Variants in ITGA1 observed in about 807,000 individuals in gnomAD.
ITGA1 encodes the protein integrin subunit alpha 1.
ITGA1 carries 85 observed loss-of-function variants against 145.9 expected under a neutral mutation model. That is an observed-to-expected ratio of 0.58 (90% CI 0.49 to 0.70). ITGA1 has a LOEUF of 0.70. ITGA1 is among the 30% of genes least tolerant of loss of function. The pLI, the probability that ITGA1 is intolerant of heterozygous loss-of-function variation, is 0.00. For synonymous variants in ITGA1, 520 were observed against 495.3 expected (o/e 1.05, Z -0.66); for missense variants, 1,351 against 1,418.7 (o/e 0.95, Z 0.77).
rs1466471723 is a variant in ITGA1 at position 52,927,684 on chromosome 5, T to C, written c.2694+20T>C. The stretch of plus-strand genomic sequence containing the variant: ...GAGATGGTGAGCAGATCATACAAAA[T>C]ACATGTAGAAATTGAATATGAAAAG... On this transcript the variant is annotated intron_variant, in intron 20 of 28. Coordinates refer to ENST00000282588, the MANE Select transcript of ITGA1 (RefSeq NM_181501.2). 3 of 1,469,310 alleles carry C rather than the reference T, an allele frequency of 2.0e-6. No homozygotes were observed. The highest frequency in any genetic ancestry group is 2.8e-6 in the Non-Finnish European group (3 of 1,052,640). The allele number at this position is 1,469,310 out of a possible 1,614,324, so 91.0% of individuals were successfully genotyped here.
intron 1 of ITGA1, among the ~76,000 whole-genome samples, chr5:52,819,735 T>G (rs1748836919): frequency 6.6e-6 from 1 of 152,232 alleles, no homozygotes; most frequent in African/African-American, 2.4e-5. Context: ...GCCTATGTCC[T>G]GAATGGTATT....
At position 52,922,829 on chromosome 5, in the gene ITGA1, C is replaced by A; in HGVS notation, c.2345C>A (p.Thr782Asn). 6.2e-7 allele frequency: 1 copy of A among 1,613,552 alleles called. No individual in the cohort carries two copies. Among genetic ancestry groups the A allele is most frequent in the Non-Finnish European group, 8.5e-7 (1 of 1,179,504 alleles). ...SVRITLDFNL[T>N]DPENGPVLDD... Reference sequence around the variant, plus strand: ...AGAATAACGTTGGACTTTAATCTTACCGATCCAGAAAATGGGCCTGTTCTT... The same window carrying A: ...AGAATAACGTTGGACTTTAATCTTAACGATCCAGAAAATGGGCCTGTTCTT... Residue 782 changes from threonine to asparagine, a missense_variant, in exon 18 of 29, where the codon ACC becomes AAC. Coordinates refer to ENST00000282588, the MANE Select transcript of ITGA1 (RefSeq NM_181501.2).
At chr5:52,833,021 A>G (rs1580053090) in intron 1 of ITGA1, among the ~76,000 whole-genome samples, 2 of 151,722 alleles carry the variant, frequency 1.3e-5, no homozygotes, top group Non-Finnish European at 1.5e-5. Context: ...GTGAAAACCC[A>G]TCTCTACTAA....
In ITGA1 at chr5:52,947,480, T is replaced by C. The variant is rs745617953; in HGVS notation, c.3495+19T>C. The C allele has an allele frequency of 7.0e-7, 1 of 1,429,016 alleles. No individual in the cohort carries two copies. Among genetic ancestry groups the C allele is most frequent in the Admixed American group, 1.7e-5 (1 of 59,804 alleles). 88.5% of individuals were successfully genotyped at this position (1,429,016 alleles called of 1,614,324 possible). On this transcript the variant is annotated intron_variant, in intron 28 of 28. Transcript: ENST00000282588. ...GTGGAAGGTAAACACCAAAATTCCT[T>C]TGACTCTCTACTTCAATCATCAACA...
chr5:52,946,724 G>A (rs918069784), intron 27 of ITGA1, among the ~76,000 whole-genome samples: 4 of 152,096 alleles, frequency 2.6e-5, no homozygotes, highest in Non-Finnish European at 5.9e-5. Context: ...ACTAAAAGCG[G>A]TCCATTTTAC....
chr5:52,865,148 A>G lies in ITGA1; in HGVS notation c.496+66A>G. ...TATGCAATGAATGAGACGTATGTAT[A>G]CAAAGGAACATACCAAAAAGCTTAA... On this transcript the variant is annotated intron_variant, in intron 5 of 28. Coordinates refer to ENST00000282588, the MANE Select transcript of ITGA1 (RefSeq NM_181501.2). The G allele has an allele frequency of 1.8e-6, 2 of 1,112,438 alleles. 1 individual carries two copies. The highest frequency in any genetic ancestry group is 2.8e-5 in the South Asian group (2 of 70,288). 68.9% of individuals were successfully genotyped at this position (1,112,438 alleles called of 1,614,324 possible).
intron 11 of ITGA1, chr5:52,903,509 A>T (rs1346287072): frequency 1.3e-5 from 2 of 152,188 alleles, no homozygotes; most frequent in African/African-American, 4.8e-5. Flanking sequence ...AATATTCATA[A>T]AGGATAATAT....
intron 14 of ITGA1, among the ~76,000 whole-genome samples, chr5:52,911,918 A>C (rs377122381): frequency 6.6e-5 from 7 of 105,552 alleles, no homozygotes; most frequent in East Asian, 3.1e-4. Flanking sequence ...TATATATATT[A>C]TATATATAGT....
At position 52,808,491 on chromosome 5, in the gene ITGA1, G is replaced by C. The variant is rs576414697; in HGVS notation, c.61+20077G>C. On this transcript the variant is annotated intron_variant, in intron 1 of 28. Coordinates refer to ENST00000282588, the MANE Select transcript of ITGA1 (RefSeq NM_181501.2). Reference sequence around the variant, plus strand: ...GTCTGGAATTTTTCATCAAGTCCTAGTGTAAACATTGACTAGAACTTTTTG... The same window carrying C: ...GTCTGGAATTTTTCATCAAGTCCTACTGTAAACATTGACTAGAACTTTTTG... Among the ~76,000 whole-genome samples the C allele has an allele frequency of 1.4e-4, 22 of 152,206 alleles. No homozygotes were observed. In the South Asian group the frequency reaches 4.4e-3, roughly 30 times the overall value.
chr5:52,911,715 T>C lies in ITGA1; in HGVS notation c.1857+1296T>C, dbSNP rs200445328. Among the ~76,000 whole-genome samples, 501 of 56,610 alleles carry C rather than the reference T, an allele frequency of 8.9e-3. 1 individual carries two copies. Among genetic ancestry groups the C allele is most frequent in the Middle Eastern group, 0.059 (2 of 34 alleles). The allele number at this position is 56,610 out of a possible 152,430, so 37.1% of individuals were successfully genotyped here. A position where few individuals can be genotyped will look rare whatever the true frequency, so the allele number is the denominator to read the frequency against. The stretch of plus-strand genomic sequence containing the variant: ...ATACATATAGTGTATCTACTATATA[T>C]ACTATACATATAGTGTATCTACTAT... On this transcript the variant is annotated intron_variant, in intron 14 of 28. Transcript: ENST00000282588.
At chr5:52,872,939 A>G (rs925718942) in intron 6 of ITGA1, among the ~76,000 whole-genome samples, 1 of 152,180 alleles carries the variant, frequency 6.6e-6, no homozygotes, top group Non-Finnish European at 1.5e-5. Context: ...CTTATCACTC[A>G]GTAGCATTGC....
chr5:52,841,929 G>A (rs1749260722), intron 1 of ITGA1, among the ~76,000 whole-genome samples: 1 of 152,078 alleles, frequency 6.6e-6, no homozygotes, highest in Admixed American at 6.6e-5. Context: ...ATGTACCAGG[G>A]CTCAGGCTTG....
chr5:52,832,763 A>ATC (rs1312341250), intron 1 of ITGA1, among the ~76,000 whole-genome samples: 2 of 76,420 alleles, frequency 2.6e-5, no homozygotes, highest in African/African-American at 5.3e-5. Flanking sequence ...AAATATATAA[A>ATC]TCTGTGTGTG....
intron 3 of ITGA1, 112 bp downstream of exon 3, chr5:52,861,671 G>T: frequency 1.5e-6 from 1 of 675,720 alleles, no homozygotes; most frequent in Non-Finnish European, 2.6e-6. Flanking sequence ...AGGAGTTTGA[G>T]ACCAGCCTGG....
At chr5:52,833,041 A>T (rs2111724860) in intron 1 of ITGA1, among the ~76,000 whole-genome samples, 1 of 152,066 alleles carries the variant, frequency 6.6e-6, no homozygotes, top group African/African-American at 2.4e-5. Context: ...AAAATACAAA[A>T]ATTAGCTGGG....
Position 52,954,891 on chromosome 5 carries a change from C to A in ITGA1, c.*2440C>A, listed in dbSNP as rs866802162. 1 of 151,970 alleles carries A rather than the reference C, an allele frequency of 6.6e-6. No homozygotes were observed. The highest frequency in any genetic ancestry group is 6.6e-5 in the Admixed American group (1 of 15,266). 9.4% of individuals were successfully genotyped at this position (151,970 alleles called of 1,614,324 possible). A position where few individuals can be genotyped will look rare whatever the true frequency, so the allele number is the denominator to read the frequency against. On this transcript the variant is annotated 3_prime_UTR_variant, in exon 29 of 29. Transcript: ENST00000282588. ...ACAAATGTTTCAAAACAGCTTTGTA[C>A]AAATGTTATAAAACATATTTAATGA...
At chr5:52,865,172 A>T (rs1455496076) in intron 5 of ITGA1, 90 bp downstream of exon 5, 1 of 947,144 alleles carries the variant, frequency 1.1e-6, no homozygotes, top group African/African-American at 1.7e-5. Context: ...CAAAAAGCTT[A>T]AAGTATTTTC....
At position 52,870,936 on chromosome 5, in the gene ITGA1, A is replaced by T. The variant is rs576589096; in HGVS notation, c.624+5119A>T. On this transcript the variant is annotated intron_variant, in intron 6 of 28. Transcript: ENST00000282588. ...GAAAAACTTGTACATACCTATTAGG[A>T]CCTGATTCATCTTAGGATAATACCA... Among the ~76,000 whole-genome samples, 6 of 152,318 alleles carry T rather than the reference A, an allele frequency of 3.9e-5. No homozygotes were observed. The South Asian group carries it at 1.2e-3, about 32-fold the overall frequency.
chr5:52,858,003 G>A (rs928070002), intron 2 of ITGA1, among the ~76,000 whole-genome samples: 16 of 152,188 alleles, frequency 1.1e-4, no homozygotes, highest in Admixed American at 2.0e-4. Flanking sequence ...GGAGAAACCC[G>A]AACTAAGACA....
Sources: gnomAD v4.1 joint callset for allele counts (sites outside exome capture counted in the v4.1 genomes callset) on GRCh38, gnomAD v4.1.1 for gene constraint, MANE v1.5 for transcripts, NCBI Gene and HGNC (gene_info 2026-07-23, HGNC 2026-07-21) for gene names.